Variants in CSMD1 observed in about 807,000 individuals in gnomAD.
CSMD1 encodes the protein CUB and Sushi multiple domains 1, also known as CUB and sushi domain-containing protein 1.
In CSMD1, 213 loss-of-function variants were observed where a neutral mutation model predicts 417.5. The ratio of observed to expected loss-of-function variants is 0.51; its 90% confidence interval spans 0.46 to 0.57. CSMD1 has a LOEUF of 0.57. Among genes scored for constraint, CSMD1 ranks in the 20% least tolerant of loss-of-function variants. The probability of loss-of-function intolerance (pLI) is 0.00; values close to 1 mark genes in which losing one functional copy is unlikely to be tolerated. For missense variants in CSMD1, 6,923 were observed against 4,529.7 expected (o/e 1.53, Z -15.17); for synonymous variants, 2,862 against 1,736.8 (o/e 1.65, Z -16.11).
At chr8:3,800,358 T>C (rs1251025750) in intron 5 of CSMD1, among the ~76,000 whole-genome samples, 2 of 152,080 alleles carry the variant, frequency 1.3e-5, no homozygotes, top group Non-Finnish European at 2.9e-5. Context: ...GTTCCGGAAG[T>C]GTTTTGAGAA....
chr8:4,291,475 ATC>A (rs1323830453), intron 3 of CSMD1, among the ~76,000 whole-genome samples: 7 of 152,070 alleles, frequency 4.6e-5, no homozygotes, highest in Non-Finnish European at 1.0e-4. Flanking sequence ...TTTCTTTTTT[ATC>A]TACTAATTCC....
intron 3 of CSMD1, among the ~76,000 whole-genome samples, chr8:4,162,053 T>C (rs905465017): frequency 6.6e-6 from 1 of 152,222 alleles, no homozygotes; most frequent in Admixed American, 6.5e-5. Flanking sequence ...TTTCCCTTAA[T>C]GTCAACCTTG....
intron 69 of CSMD1, among the ~76,000 whole-genome samples, chr8:2,940,422 T>C (rs1352186913): frequency 6.6e-6 from 1 of 152,096 alleles, no homozygotes; most frequent in Non-Finnish European, 1.5e-5. Context: ...TGGTGCAGTG[T>C]TAGGAAGGGA....
intron 7 of CSMD1, among the ~76,000 whole-genome samples, chr8:3,672,365 A>C (rs951653391): frequency 6.6e-5 from 10 of 151,974 alleles, no homozygotes; most frequent in Non-Finnish European, 2.9e-5. Context: ...GTGTGTCGGC[A>C]TTTAGAACCC....
chr8:3,658,848 G>T (rs1334324422), intron 7 of CSMD1, among the ~76,000 whole-genome samples: 1 of 152,104 alleles, frequency 6.6e-6, no homozygotes, highest in Non-Finnish European at 1.5e-5. Flanking sequence ...TAACATTGAA[G>T]GTTTTCTCCT....
At chr8:4,010,375 C>T (rs896759367) in intron 4 of CSMD1, among the ~76,000 whole-genome samples, 2 of 152,136 alleles carry the variant, frequency 1.3e-5, no homozygotes, top group Non-Finnish European at 2.9e-5. Context: ...AAACTTCGGG[C>T]CCTCTGTCAG....
intron 10 of CSMD1, among the ~76,000 whole-genome samples, chr8:3,514,452 G>T (rs1797204425): frequency 6.6e-6 from 1 of 152,052 alleles, no homozygotes; most frequent in South Asian, 2.1e-4. Flanking sequence ...TCTGCTCACG[G>T]GTCATCCCCA....
intron 1 of CSMD1, among the ~76,000 whole-genome samples, chr8:4,711,023 T>A (rs1281358114): frequency 5.3e-5 from 8 of 152,072 alleles, no homozygotes; most frequent in Non-Finnish European, 1.0e-4. Context: ...GCCCAGGCCT[T>A]TTCTAGTTAG....
In CSMD1 at chr8:3,468,995, C is replaced by A. The variant is rs889170086; in HGVS notation, c.1449-171G>T. 1.9e-5 allele frequency: 9 copies of A among 466,878 alleles called. No individual in the cohort carries two copies. The Admixed American group carries it at 3.6e-4, about 19-fold the overall frequency. 28.9% of individuals were successfully genotyped at this position (466,878 alleles called of 1,614,324 possible). A position where few individuals can be genotyped will look rare whatever the true frequency, so the allele number is the denominator to read the frequency against. Reference sequence around the variant, plus strand: ...GTCCATTATATTAATATTCAAACATCACTATCACTGGTGCTTTACAGAAAT... The same window carrying A: ...GTCCATTATATTAATATTCAAACATAACTATCACTGGTGCTTTACAGAAAT... On this transcript the variant is annotated intron_variant, in intron 11 of 69. Transcript: ENST00000635120.
chr8:3,861,980 G>C (rs926884517), intron 5 of CSMD1, among the ~76,000 whole-genome samples: 1 of 152,128 alleles, frequency 6.6e-6, no homozygotes, highest in East Asian at 1.9e-4. Context: ...TGTGATGAAT[G>C]TGTTTATATC....
chr8:3,471,112 T>G (rs1434928642), intron 11 of CSMD1, among the ~76,000 whole-genome samples: 1 of 152,212 alleles, frequency 6.6e-6, no homozygotes, highest in African/African-American at 2.4e-5. Context: ...CCAGACTGTT[T>G]GTACATTCCC....
At chr8:3,996,421 T>A (rs1043462767) in intron 5 of CSMD1, among the ~76,000 whole-genome samples, 1 of 145,862 alleles carries the variant, frequency 6.9e-6, no homozygotes, top group African/African-American at 2.6e-5. Context: ...ACTAAAGAGA[T>A]GCTTAATAAA....
chr8:4,453,822 T>TTTTC (rs1293275493), intron 2 of CSMD1, among the ~76,000 whole-genome samples: 6 of 125,268 alleles, frequency 4.8e-5, no homozygotes, highest in Non-Finnish European at 8.4e-5. Context: ...TTCTTTTTTT[T>TTTTC]TTTTTTTTTT....
chr8:4,176,534 T>G (rs1349152748), intron 3 of CSMD1, among the ~76,000 whole-genome samples: 1 of 152,088 alleles, frequency 6.6e-6, no homozygotes, highest in Admixed American at 6.5e-5. Flanking sequence ...CAATCACCAT[T>G]CTGATCCCTA....
chr8:3,234,577 G>A (rs1799040214), intron 26 of CSMD1, among the ~76,000 whole-genome samples: 2 of 152,166 alleles, frequency 1.3e-5, no homozygotes, highest in South Asian at 2.1e-4. Flanking sequence ...GAAGGCCATT[G>A]CTGTACTTTC....
intron 30 of CSMD1, among the ~76,000 whole-genome samples, chr8:3,209,900 G>A (rs1432013915): frequency 6.6e-6 from 1 of 152,068 alleles, no homozygotes; most frequent in Non-Finnish European, 1.5e-5. Context: ...GAACCAAATT[G>A]AGTAAACAAA....
chr8:3,100,892 A>G lies in CSMD1; in HGVS notation c.6950-3855T>C, dbSNP rs112934186. 7.9e-3 allele frequency among the ~76,000 whole-genome samples: 1,203 copies of G among 152,194 alleles called. 20 individuals are homozygous for G. The highest frequency in any genetic ancestry group is 0.028 in the African/African-American group (1,145 of 41,510). ...GTGAGCCCTCTGTGAACTAGGGAAA[A>G]GGCTGCCCCAGAGCCCTTGTGATGC... On this transcript the variant is annotated intron_variant, in intron 46 of 69. Coordinates refer to ENST00000635120, the MANE Select transcript of CSMD1 (RefSeq NM_033225.6).
chr8:4,283,273 C>T (rs1205115342), intron 3 of CSMD1, among the ~76,000 whole-genome samples: 1 of 152,178 alleles, frequency 6.6e-6, no homozygotes, highest in African/African-American at 2.4e-5. Flanking sequence ...TTTTAATGCA[C>T]ATTTTCCATC....
chr8:3,470,123 A>T (rs1273837100), intron 11 of CSMD1, among the ~76,000 whole-genome samples: 1 of 152,182 alleles, frequency 6.6e-6, no homozygotes, highest in Non-Finnish European at 1.5e-5. Flanking sequence ...ACCTTCTCCC[A>T]GTCACCATCC....
Sources: allele counts gnomAD v4.1 joint callset (sites outside exome capture counted in the v4.1 genomes callset), GRCh38; gene constraint gnomAD v4.1.1; transcripts MANE v1.5; gene names NCBI Gene and HGNC (gene_info 2026-07-23, HGNC 2026-07-21).